SCAPER: variants seen among roughly 807,000 people sequenced by gnomAD.
SCAPER encodes the protein S phase cyclin A-associated protein in the endoplasmic reticulum.
Under a neutral mutation model 182.2 loss-of-function variants are expected in SCAPER, and 98 were observed. That is an observed-to-expected ratio of 0.54 (90% CI 0.46 to 0.64). SCAPER has a LOEUF of 0.64. Ranked by LOEUF, SCAPER falls within the 30% of genes least tolerant of loss-of-function variation. The pLI, the probability that SCAPER is intolerant of heterozygous loss-of-function variation, is 0.00. For missense variants in SCAPER, 1,432 were observed against 1,690.0 expected (o/e 0.85, Z 2.68); for synonymous variants, 605 against 564.6 (o/e 1.07, Z -1.01).
intron 24 of SCAPER, among the ~76,000 whole-genome samples, chr15:76,495,195 C>T (rs554872856): frequency 3.3e-5 from 5 of 152,066 alleles, no homozygotes; most frequent in African/African-American, 7.2e-5. Context: ...TTTCTTAATA[C>T]GTTCACTCTC....
At chr15:76,641,649 A>T (rs1422728976) in intron 21 of SCAPER, among the ~76,000 whole-genome samples, 2 of 152,196 alleles carry the variant, frequency 1.3e-5, no homozygotes, top group Non-Finnish European at 2.9e-5. Flanking sequence ...CTCTCTCAAG[A>T]TAAACAGGAA....
At chr15:76,365,019 C>T (rs1009486506) in intron 29 of SCAPER, among the ~76,000 whole-genome samples, 11 of 152,066 alleles carry the variant, frequency 7.2e-5, no homozygotes, top group African/African-American at 1.9e-4. Flanking sequence ...TTCCCCCAGC[C>T]CCGAGAATGT....
chr15:76,542,479 C>A (rs571390618), intron 23 of SCAPER, among the ~76,000 whole-genome samples: 3 of 151,650 alleles, frequency 2.0e-5, no homozygotes, highest in Non-Finnish European at 4.4e-5. Flanking sequence ...GCTGAGATCA[C>A]GTCACTGAAC....
At chr15:76,657,109 T>C (rs539329994) in intron 21 of SCAPER, among the ~76,000 whole-genome samples, 1 of 151,802 alleles carries the variant, frequency 6.6e-6, no homozygotes, top group African/African-American at 2.4e-5. Context: ...AATCCAAGAG[T>C]TGATTTTTTT....
At chr15:76,516,546 TC>T (rs1274147551) in intron 23 of SCAPER, among the ~76,000 whole-genome samples, 1 of 152,208 alleles carries the variant, frequency 6.6e-6, no homozygotes, top group African/African-American at 2.4e-5. Context: ...CATGAACTCA[TC>T]CTTTTTTTAT....
intron 23 of SCAPER, among the ~76,000 whole-genome samples, chr15:76,540,721 G>T (rs896509062): frequency 7.2e-5 from 11 of 151,730 alleles, no homozygotes; most frequent in Admixed American, 4.6e-4. Context: ...ATGTATTATA[G>T]TAATAATAAT....
At chr15:76,533,373 GAT>G (rs750993910) in intron 23 of SCAPER, among the ~76,000 whole-genome samples, 4 of 152,042 alleles carry the variant, frequency 2.6e-5, no homozygotes, top group Non-Finnish European at 5.9e-5. Context: ...TCTATGTTTA[GAT>G]ATGTTTAAAT....
intron 22 of SCAPER, among the ~76,000 whole-genome samples, chr15:76,575,306 C>G (rs1433717338): frequency 6.6e-6 from 1 of 152,104 alleles, no homozygotes; most frequent in Non-Finnish European, 1.5e-5. Context: ...CTTATTAAAT[C>G]TCCCTAGGGT....
At chr15:76,731,227 T>C (rs2060903486) in intron 16 of SCAPER, among the ~76,000 whole-genome samples, 1 of 152,164 alleles carries the variant, frequency 6.6e-6, no homozygotes, top group East Asian at 1.9e-4. Flanking sequence ...TTCTTAAGCC[T>C]ACAGAAGAAC....
chr15:76,819,028 G>A (rs553160190), intron 5 of SCAPER, among the ~76,000 whole-genome samples: 9 of 152,334 alleles, frequency 5.9e-5, no homozygotes, highest in East Asian at 1.9e-4. Flanking sequence ...AGGCGGCAGC[G>A]AGGCAGGGGG....
chr15:76,760,010 TA>T (rs2062680890), intron 14 of SCAPER, among the ~76,000 whole-genome samples: 1 of 152,202 alleles, frequency 6.6e-6, no homozygotes, highest in African/African-American at 2.4e-5. Context: ...TAGGAAAAAC[TA>T]AATTGTTTTT....
At chr15:76,425,794 G>T (rs756937813) in intron 26 of SCAPER, among the ~76,000 whole-genome samples, 1 of 152,138 alleles carries the variant, frequency 6.6e-6, no homozygotes, top group Non-Finnish European at 1.5e-5. Flanking sequence ...ATGGGGTTTT[G>T]GTGTGGATGT....
At chr15:76,690,016 G>C (rs1241701343) in intron 20 of SCAPER, among the ~76,000 whole-genome samples, 1 of 151,162 alleles carries the variant, frequency 6.6e-6, no homozygotes, top group Non-Finnish European at 1.5e-5. Context: ...ATTTTATATA[G>C]ATAGTCCTCC....
chr15:76,816,254 A>C (rs1303863637), intron 5 of SCAPER, among the ~76,000 whole-genome samples: 1 of 152,248 alleles, frequency 6.6e-6, no homozygotes, highest in Admixed American at 6.5e-5. Flanking sequence ...AGTATTTTTT[A>C]AACTCTGACA....
At chr15:76,355,155 C>A (rs1566980119) in intron 29 of SCAPER, among the ~76,000 whole-genome samples, 1 of 152,186 alleles carries the variant, frequency 6.6e-6, no homozygotes, top group African/African-American at 2.4e-5. Flanking sequence ...CAGGGATTTA[C>A]AAGTTTTCAA....
chr15:76,878,237 C>T (rs940848119), intron 2 of SCAPER, among the ~76,000 whole-genome samples: 8 of 151,654 alleles, frequency 5.3e-5, no homozygotes, highest in African/African-American at 1.7e-4. Flanking sequence ...TGTATATTTA[C>T]AGACACGTGT....
chr15:76,608,533 C>T (rs1160430964), intron 22 of SCAPER, among the ~76,000 whole-genome samples: 1 of 152,184 alleles, frequency 6.6e-6, no homozygotes, highest in Non-Finnish European at 1.5e-5. Flanking sequence ...AACCACTACT[C>T]TCTTTAAAGC....
intron 24 of SCAPER, among the ~76,000 whole-genome samples, chr15:76,497,901 G>A (rs575539253): frequency 1.5e-5 from 2 of 136,840 alleles, no homozygotes; most frequent in Admixed American, 8.4e-5. Flanking sequence ...TGAGGCAGGA[G>A]AATTGCTTGA....
chr15:76,700,745 A>C (rs1054963716), intron 20 of SCAPER, among the ~76,000 whole-genome samples: 3 of 152,220 alleles, frequency 2.0e-5, no homozygotes, highest in Non-Finnish European at 4.4e-5. Flanking sequence ...CTGATGCTAC[A>C]CAGGAGGGCA....
Sources: gnomAD v4.1 joint callset for allele counts (sites outside exome capture counted in the v4.1 genomes callset) on GRCh38, gnomAD v4.1.1 for gene constraint, MANE v1.5 for transcripts, NCBI Gene and HGNC (gene_info 2026-07-23, HGNC 2026-07-21) for gene names.